Variants in CSMD3 observed in about 807,000 individuals in gnomAD.
The protein encoded by CSMD3 is CUB and sushi domain-containing protein 3.
Under a neutral mutation model 435.2 loss-of-function variants are expected in CSMD3, and 177 were observed. The ratio of observed to expected loss-of-function variants is 0.41; its 90% CI spans 0.36 to 0.46. CSMD3 has a LOEUF of 0.46. Among genes scored for constraint, CSMD3 ranks in the 20% least tolerant of loss-of-function variants. CSMD3 has a pLI of 0.34. For synonymous variants in CSMD3, 1,656 were observed against 1,520.5 expected, an observed-to-expected ratio of 1.09 and a Z score of -2.07; for missense variants, 4,265 against 4,504.6, an observed-to-expected ratio of 0.95 and a Z score of 1.52.
rs1050953495 is a variant in CSMD3, at chr8:112,594,343, C to T, written c.3716-7108G>A. On this transcript the variant is annotated intron_variant, in intron 22 of 70. Transcript: ENST00000297405. ...AAAACGGCGCACCACGAGATTATAT[C>T]CCGCACCCGGCTCGGAGGGTCCTAC... Among the ~76,000 whole-genome samples the T allele has an allele frequency of 6.6e-5, 10 of 152,300 alleles. 1 individual carries two copies. The highest frequency in any genetic ancestry group is 2.2e-4 in the African/African-American group (9 of 41,564).
Position 112,518,590 on chromosome 8 carries a change from G to T in CSMD3, c.4565-1365C>A, listed in dbSNP as rs189525326. Among the ~76,000 whole-genome samples, 3 of 150,850 alleles carry T rather than the reference G, an allele frequency of 2.0e-5. No homozygotes were observed. The East Asian group carries it at 5.9e-4, about 30-fold the overall frequency. ...ATTATAGTCTTCCACTATGGATAGA[G>T]ATCTTTTATAAAAAATGGTGTGTGT... On this transcript the variant is annotated intron_variant, in intron 27 of 70. Transcript: ENST00000297405.
At chr8:113,239,012 C>T (rs1258676811) in intron 3 of CSMD3, among the ~76,000 whole-genome samples, 1 of 152,130 alleles carries the variant, frequency 6.6e-6, no homozygotes, top group Non-Finnish European at 1.5e-5. Flanking sequence ...TGTGAGTAGG[C>T]CTCATCCAAT....
intron 1 of CSMD3, among the ~76,000 whole-genome samples, chr8:113,365,777 TGA>T (rs1011463723): frequency 2.6e-5 from 4 of 152,058 alleles, no homozygotes; most frequent in Non-Finnish European, 5.9e-5. Context: ...AATAAAATAA[TGA>T]GAGTGTCGTT....
At chr8:112,654,564 TA>T (rs2075210559) in intron 18 of CSMD3, among the ~76,000 whole-genome samples, 1 of 152,202 alleles carries the variant, frequency 6.6e-6, no homozygotes, top group African/African-American at 2.4e-5. Context: ...ACTATGCCAC[TA>T]AGGACCTGTA....
intron 5 of CSMD3, among the ~76,000 whole-genome samples, chr8:113,047,049 A>T (rs1291409951): frequency 6.6e-6 from 1 of 152,198 alleles, no homozygotes; most frequent in African/African-American, 2.4e-5. Context: ...GTTCTGCAGA[A>T]AGTGCAGAGC....
intron 7 of CSMD3, among the ~76,000 whole-genome samples, chr8:112,969,688 T>A (rs1358296582): frequency 6.6e-6 from 1 of 151,986 alleles, no homozygotes; most frequent in Non-Finnish European, 1.5e-5. Flanking sequence ...TATATGTGTA[T>A]ATGAAAACGT....
chr8:113,329,208 T>TAAATAAATAAATAAAC (rs2132758059), intron 1 of CSMD3, among the ~76,000 whole-genome samples: 1 of 147,982 alleles, frequency 6.8e-6, no homozygotes, highest in South Asian at 2.1e-4. Context: ...AGAATGAAAA[T>TAAATAAATAAATAAAC]AAATAAATAA....
intron 24 of CSMD3, among the ~76,000 whole-genome samples, chr8:112,567,696 A>G (rs1489181771): frequency 6.6e-6 from 1 of 152,094 alleles, no homozygotes; most frequent in Non-Finnish European, 1.5e-5. Flanking sequence ...GGTTGAAGGG[A>G]TCTGGGCAGA....
At chr8:113,226,309 T>C (rs1470168263) in intron 3 of CSMD3, among the ~76,000 whole-genome samples, 1 of 151,636 alleles carries the variant, frequency 6.6e-6, no homozygotes, top group Non-Finnish European at 1.5e-5. Context: ...TACCAACTAA[T>C]GTGCCCAAAC....
At chr8:113,256,191 T>G (rs1008079344) in intron 3 of CSMD3, among the ~76,000 whole-genome samples, 13 of 152,150 alleles carry the variant, frequency 8.5e-5, no homozygotes, top group Admixed American at 2.6e-4. Flanking sequence ...AATCTCTGGT[T>G]GTGTTGATAA....
intron 45 of CSMD3, among the ~76,000 whole-genome samples, chr8:112,323,186 T>C (rs763447749): frequency 7.9e-5 from 12 of 151,848 alleles, no homozygotes; most frequent in Non-Finnish European, 1.5e-4. Flanking sequence ...CCTCTTTTCA[T>C]CTGTTTCTCT....
chr8:113,263,725 GA>G lies in CSMD3; in HGVS notation c.514+14866del, dbSNP rs557935771. The stretch of plus-strand genomic sequence containing the variant: ...ATTAAAAGAACATATAAAATCTGAA[GA>G]ATATTCTAGATAAAATCAACATATG... On this transcript the variant is annotated intron_variant, in intron 3 of 70. Coordinates refer to ENST00000297405, the MANE Select transcript of CSMD3 (RefSeq NM_198123.2). Among the ~76,000 whole-genome samples the G allele has an allele frequency of 6.1e-4, 92 of 151,886 alleles. 1 individual carries two copies. The South Asian group carries it at 0.014, about 23-fold the overall frequency.
At chr8:112,522,116 T>C (rs925443689) in intron 27 of CSMD3, among the ~76,000 whole-genome samples, 15 of 151,824 alleles carry the variant, frequency 9.9e-5, no homozygotes, top group Admixed American at 4.6e-4. Context: ...AAATTAGAAA[T>C]ACATTTGCTA....
chr8:112,648,447 C>T (rs2075040525), intron 19 of CSMD3, among the ~76,000 whole-genome samples: 1 of 152,088 alleles, frequency 6.6e-6, no homozygotes. Context: ...AATAAAGATG[C>T]ATTGTAAGAA....
At chr8:113,016,620 C>T (rs1050668023) in intron 6 of CSMD3, among the ~76,000 whole-genome samples, 23 of 151,860 alleles carry the variant, frequency 1.5e-4, no homozygotes, top group Admixed American at 7.9e-4. Context: ...ATAATAGTTA[C>T]TGAGTACTCG....
intron 2 of CSMD3, among the ~76,000 whole-genome samples, chr8:113,307,724 A>G (rs1380860583): frequency 6.6e-6 from 1 of 152,188 alleles, no homozygotes; most frequent in African/African-American, 2.4e-5. Flanking sequence ...AAAATATTTG[A>G]ACAAACTCTT....
intron 32 of CSMD3, among the ~76,000 whole-genome samples, chr8:112,469,799 G>A (rs1308258240): frequency 6.6e-6 from 1 of 152,088 alleles, no homozygotes; most frequent in Non-Finnish European, 1.5e-5. Flanking sequence ...GAATCCCTGT[G>A]CTAAACGATG....
At chr8:113,319,498 A>T (rs1419002469) in intron 1 of CSMD3, among the ~76,000 whole-genome samples, 2 of 152,040 alleles carry the variant, frequency 1.3e-5, no homozygotes, top group Admixed American at 6.6e-5. Flanking sequence ...TATTTTTAAT[A>T]GCCCATAAAT....
chr8:113,336,947 C>CT (rs2094080165), intron 1 of CSMD3, among the ~76,000 whole-genome samples: 1 of 152,120 alleles, frequency 6.6e-6, no homozygotes, highest in African/African-American at 2.4e-5. Context: ...CCCACTTAGT[C>CT]TTTTTTTGCT....
Sources: allele counts gnomAD v4.1 joint callset (sites outside exome capture counted in the v4.1 genomes callset), GRCh38; gene constraint gnomAD v4.1.1; transcripts MANE v1.5; gene names NCBI Gene and HGNC (gene_info 2026-07-23, HGNC 2026-07-21).